The following HS2ST1 variants were observed in gnomAD, a reference collection of about 807,000 sequenced individuals.
HS2ST1 encodes 2-O-sulfotransferase.
A neutral mutation model predicts 42.9 loss-of-function variants in HS2ST1; 18 were observed. That is an observed-to-expected ratio of 0.42 (90% CI 0.29 to 0.62). The LOEUF (loss-of-function observed/expected upper bound fraction) is 0.62. Ranked by LOEUF, HS2ST1 falls within the 20% of genes least tolerant of loss-of-function variation. HS2ST1 has a pLI of 0.21. For missense variants in HS2ST1, 334 were observed against 433.8 expected, an observed-to-expected ratio of 0.77 and a Z score of 2.04; for synonymous variants, 146 against 152.9, an observed-to-expected ratio of 0.95 and a Z score of 0.33.
intron 1 of HS2ST1, among the ~76,000 whole-genome samples, chr1:86,968,906 A>G (rs1450609377): frequency 6.6e-6 from 1 of 152,222 alleles, no homozygotes; most frequent in African/African-American, 2.4e-5. Context: ...GTGGAGACAT[A>G]AGATGAATCA....
At chr1:86,938,418 A>G (rs972503450) in intron 1 of HS2ST1, among the ~76,000 whole-genome samples, 7 of 152,126 alleles carry the variant, frequency 4.6e-5, no homozygotes, top group Non-Finnish European at 7.4e-5. Flanking sequence ...CTTTCAATTA[A>G]GTTGCTGTGA....
chr1:86,921,549 C>T (rs1660300351), intron 1 of HS2ST1, among the ~76,000 whole-genome samples: 1 of 152,038 alleles, frequency 6.6e-6, no homozygotes, highest in African/African-American at 2.4e-5. Flanking sequence ...GAGGGCTCTC[C>T]CCTCATAACT....
In HS2ST1 at chr1:86,977,827, A is replaced by C. The variant is rs183302502; in HGVS notation, c.124+62667A>C. ...GTTTTTCAGAGATGCAGAAATATAA[A>C]GATACGGAGAACATGAGAAGTTAAA... is the stretch of plus-strand genomic sequence containing the variant. On this transcript the variant is annotated intron_variant, in intron 1 of 6. Coordinates refer to ENST00000370550, the MANE Select transcript of HS2ST1 (RefSeq NM_012262.4). Among the ~76,000 whole-genome samples the C allele has an allele frequency of 4.6e-5, 7 of 152,350 alleles. No individual in the cohort carries two copies. The South Asian group carries it at 8.3e-4, about 18-fold the overall frequency.
In HS2ST1 at chr1:86,985,459, T is replaced by C. The variant is rs949887533; in HGVS notation, c.124+70299T>C. Among the ~76,000 whole-genome samples, 463 of 89,820 alleles carry C rather than the reference T, an allele frequency of 5.2e-3. 143 individuals are homozygous for C. Among genetic ancestry groups the C allele is most frequent in the Admixed American group, 0.013 (88 of 6,766 alleles). 58.9% of individuals were successfully genotyped at this position (89,820 alleles called of 152,430 possible). ...ACATATATACACATATATACACACA[T>C]ATATACACATATATACACATATATA... On this transcript the variant is annotated intron_variant, in intron 1 of 6. Transcript: ENST00000370550.
chr1:86,956,952 T>C lies in HS2ST1; in HGVS notation c.124+41792T>C, dbSNP rs1369122400. Among the ~76,000 whole-genome samples the C allele has an allele frequency of 2.0e-5, 3 of 152,208 alleles. No individual in the cohort carries two copies. In the East Asian group the frequency reaches 5.8e-4, roughly 29 times the overall value. ...ATCTTTGGACAGTAAAAATACATTATATAACATTGAAATCATTCACAATTT... is the reference window on the plus strand; with the variant it reads ...ATCTTTGGACAGTAAAAATACATTACATAACATTGAAATCATTCACAATTT... On this transcript the variant is annotated intron_variant, in intron 1 of 6. Transcript: ENST00000370550.
chr1:87,082,291 C>T (rs1379695625), intron 2 of HS2ST1, among the ~76,000 whole-genome samples: 1 of 152,146 alleles, frequency 6.6e-6, no homozygotes, highest in Non-Finnish European at 1.5e-5. Context: ...CCTTAGGAAG[C>T]TTTGTTGGAG....
At chr1:86,989,011 A>G (rs1359917004) in intron 1 of HS2ST1, among the ~76,000 whole-genome samples, 1 of 152,262 alleles carries the variant, frequency 6.6e-6, no homozygotes, top group Admixed American at 6.5e-5. Flanking sequence ...CCTTCTGGGC[A>G]TGTGATCTTA....
chr1:87,066,383 A>C (rs1403247022), intron 1 of HS2ST1, among the ~76,000 whole-genome samples: 1 of 152,054 alleles, frequency 6.6e-6, no homozygotes, highest in South Asian at 2.1e-4. Flanking sequence ...TGACTCCTAC[A>C]TTGCACCCCG....
At chr1:86,987,068 G>GTTTTT (rs11423322) in intron 1 of HS2ST1, among the ~76,000 whole-genome samples, 4 of 117,256 alleles carry the variant, frequency 3.4e-5, no homozygotes, top group Admixed American at 1.0e-4. Flanking sequence ...TGATAGCCAG[G>GTTTTT]TTTTTTTTTT....
At chr1:87,089,098 T>A (rs952741141) in intron 3 of HS2ST1, among the ~76,000 whole-genome samples, 3 of 152,044 alleles carry the variant, frequency 2.0e-5, no homozygotes, top group Admixed American at 6.6e-5. Flanking sequence ...TTCCAGCCAG[T>A]TGACAAGGTT....
rs982468991 is a variant in HS2ST1, at chr1:87,108,480, T to C, written c.*3784T>C. ...AGAGGAAGCAGAGAAGTTGCTGTTA[T>C]GTTTTTGCATCCGTTTACCCTATGC... On this transcript the variant is annotated 3_prime_UTR_variant, in exon 7 of 7. Coordinates refer to ENST00000370550, the MANE Select transcript of HS2ST1 (RefSeq NM_012262.4). 2.0e-5 allele frequency: 3 copies of C among 152,120 alleles called. No individual in the cohort carries two copies. Among genetic ancestry groups the C allele is most frequent in the African/African-American group, 7.2e-5 (3 of 41,448 alleles). The allele number at this position is 152,120 out of a possible 1,614,324, so 9.4% of individuals were successfully genotyped here.
intron 1 of HS2ST1, among the ~76,000 whole-genome samples, chr1:87,037,901 G>T (rs779088003): frequency 2.0e-4 from 31 of 151,816 alleles, no homozygotes; most frequent in Non-Finnish European, 4.3e-4. Flanking sequence ...TAGATTGTCT[G>T]CAGTTATGAG....
Position 87,108,887 on chromosome 1 carries a change from G to A in HS2ST1, c.*4191G>A, listed in dbSNP as rs890960078. 6.6e-6 allele frequency: 1 copy of A among 152,412 alleles called. No homozygotes were observed. The highest frequency in any genetic ancestry group is 2.4e-5 in the African/African-American group (1 of 41,416). The allele number at this position is 152,412 out of a possible 1,614,324, so 9.4% of individuals were successfully genotyped here. A position where few individuals can be genotyped will look rare whatever the true frequency, so the allele number is the denominator to read the frequency against. On this transcript the variant is annotated 3_prime_UTR_variant, in exon 7 of 7. Transcript: ENST00000370550. ...TGTTGAATGTAATTTTCGGAAACAT[G>A]GATTGTGTATTTTGACTTTTATTTT...
chr1:87,036,180 A>C (rs1052806818), intron 1 of HS2ST1, among the ~76,000 whole-genome samples: 7 of 152,150 alleles, frequency 4.6e-5, no homozygotes, highest in African/African-American at 1.7e-4. Context: ...TATGTGCCAC[A>C]GTTTCTTTAT....
intron 1 of HS2ST1, among the ~76,000 whole-genome samples, chr1:87,056,304 C>T (rs1356811304): frequency 1.3e-5 from 2 of 152,160 alleles, no homozygotes; most frequent in Non-Finnish European, 2.9e-5. Flanking sequence ...GAAGCCCTTA[C>T]CAGAAGACAA....
chr1:87,017,398 A>T (rs1570488296), intron 1 of HS2ST1, among the ~76,000 whole-genome samples: 1 of 152,250 alleles, frequency 6.6e-6, no homozygotes, highest in South Asian at 2.1e-4. Context: ...CGGCCTCCCA[A>T]AGTGCTGGGA....
In HS2ST1 at chr1:87,104,932, G is replaced by A; in HGVS notation, c.*236G>A. The stretch of plus-strand genomic sequence containing the variant: ...ACGTTGGTGAAAGTTATAACCTCCT[G>A]CCTGGGAGAAAATATACATCACCTA... On this transcript the variant is annotated 3_prime_UTR_variant, in exon 7 of 7. Coordinates refer to ENST00000370550, the MANE Select transcript of HS2ST1 (RefSeq NM_012262.4). 1 of 427,792 alleles carries A rather than the reference G, an allele frequency of 2.3e-6. No homozygotes were observed. The highest frequency in any genetic ancestry group is 4.1e-6 in the Non-Finnish European group (1 of 241,082). 26.5% of individuals were successfully genotyped at this position (427,792 alleles called of 1,614,324 possible).
intron 1 of HS2ST1, among the ~76,000 whole-genome samples, chr1:86,999,009 C>T (rs995069313): frequency 9.8e-6 from 1 of 101,836 alleles, no homozygotes; most frequent in African/African-American, 3.8e-5. Flanking sequence ...GATCTAAAAG[C>T]TTATTTACTA....
At chr1:87,101,922 C>T (rs1448928523) in intron 5 of HS2ST1, among the ~76,000 whole-genome samples, 2 of 152,152 alleles carry the variant, frequency 1.3e-5, no homozygotes, top group South Asian at 2.1e-4. Flanking sequence ...AAGCATGGCA[C>T]CAACATCTGT....
Sources: gnomAD v4.1 joint callset for allele counts (sites outside exome capture counted in the v4.1 genomes callset) on GRCh38, gnomAD v4.1.1 for gene constraint, MANE v1.5 for transcripts, NCBI Gene and HGNC (gene_info 2026-07-23, HGNC 2026-07-21) for gene names.